The following ETV6 variants were observed in gnomAD, a reference collection of about 807,000 sequenced individuals.
The protein encoded by ETV6 is ETS variant transcription factor 6.
ETV6 carries 16 observed loss-of-function variants against 51.1 expected under a neutral mutation model. The observed-to-expected ratio is 0.31, with a 90% CI of 0.21 to 0.48. The LOEUF (loss-of-function observed/expected upper bound fraction) is 0.48. Ranked by LOEUF, ETV6 falls within the 20% of genes least tolerant of loss-of-function variation. ETV6 has a pLI of 0.99. For synonymous variants in ETV6, 240 were observed against 224.1 expected, an observed-to-expected ratio of 1.07 and a Z score of -0.64; for missense variants, 458 against 594.8, an observed-to-expected ratio of 0.77 and a Z score of 2.39.
Position 11,839,321 on chromosome 12 carries a change from T to C in ETV6, c.328+17T>C. Reference sequence around the variant, plus strand: ...CTCATTCAGGTGAGAGTCTGGACTCTTGGCATATGCCCAACTTGGAAAGTC... The same window carrying C: ...CTCATTCAGGTGAGAGTCTGGACTCCTGGCATATGCCCAACTTGGAAAGTC... On this transcript the variant is annotated intron_variant, in intron 3 of 7. Transcript: ENST00000396373. 1.9e-6 allele frequency: 3 copies of C among 1,601,840 alleles called. No individual in the cohort carries two copies. Among genetic ancestry groups the C allele is most frequent in the Middle Eastern group, 1.7e-4 (1 of 6,008 alleles).
chr12:11,860,598 G>A (rs986279056), intron 4 of ETV6, among the ~76,000 whole-genome samples: 2 of 151,790 alleles, frequency 1.3e-5, no homozygotes, highest in Non-Finnish European at 1.5e-5. Flanking sequence ...AGAAAGAAAT[G>A]AGTTAATACG....
At chr12:11,760,988 T>A (rs1308968955) in intron 2 of ETV6, among the ~76,000 whole-genome samples, 3 of 151,980 alleles carry the variant, frequency 2.0e-5, no homozygotes, top group African/African-American at 7.3e-5. Flanking sequence ...TTATCCTGAA[T>A]AATAACAAAC....
intron 1 of ETV6, among the ~76,000 whole-genome samples, chr12:11,692,428 C>T (rs968137062): frequency 2.6e-5 from 4 of 152,100 alleles, no homozygotes; most frequent in African/African-American, 9.7e-5. Flanking sequence ...CAACAGAAGA[C>T]GGACTACATA....
chr12:11,682,341 G>A (rs373121204), intron 1 of ETV6, among the ~76,000 whole-genome samples: 1 of 152,124 alleles, frequency 6.6e-6, no homozygotes, highest in Non-Finnish European at 1.5e-5. Flanking sequence ...TTTTTCGTAT[G>A]TTTGTTGACC....
At chr12:11,789,815 T>C (rs1945553669) in intron 2 of ETV6, among the ~76,000 whole-genome samples, 1 of 152,228 alleles carries the variant, frequency 6.6e-6, no homozygotes, top group Non-Finnish European at 1.5e-5. Flanking sequence ...ATCTTTTGCA[T>C]AAACCTTTGT....
intron 1 of ETV6, among the ~76,000 whole-genome samples, chr12:11,724,769 C>G (rs146321584): frequency 1.6e-3 from 242 of 152,310 alleles, no homozygotes; most frequent in African/African-American, 5.7e-3. Context: ...AGATATGTCT[C>G]TAGATAAGAG....
At chr12:11,690,854 T>A (rs1864742529) in intron 1 of ETV6, among the ~76,000 whole-genome samples, 1 of 144,982 alleles carries the variant, frequency 6.9e-6, no homozygotes, top group Non-Finnish European at 1.5e-5. Context: ...GCCACTGCAC[T>A]CCAGCCTGGG....
intron 1 of ETV6, among the ~76,000 whole-genome samples, chr12:11,697,496 T>C (rs1864898606): frequency 6.6e-6 from 1 of 152,262 alleles, no homozygotes; most frequent in African/African-American, 2.4e-5. Flanking sequence ...CTGTGGGCCT[T>C]GCAATTTCTC....
chr12:11,869,599 C>T lies in ETV6; in HGVS notation c.639C>T (p.Ser213=). Residue 213 remains serine (S), a synonymous_variant, in exon 5 of 8, where the codon TCC becomes TCT. Transcript: ENST00000396373. The surrounding 1 kb of genome is among the most constrained non-coding windows in gnomAD (Gnocchi z 5.0). ...SPLDNMIRRL[S]PAERAQGPRP... is the part of the protein sequence containing the mutation. Reference sequence around the variant, plus strand: ...TGGACAACATGATCCGCCGCCTCTCCCCGGCTGAGAGAGCTCAGGGACCCA... The same window carrying T: ...TGGACAACATGATCCGCCGCCTCTCTCCGGCTGAGAGAGCTCAGGGACCCA... 6.2e-7 allele frequency: 1 copy of T among 1,614,202 alleles called. No homozygotes were observed.
intron 1 of ETV6, among the ~76,000 whole-genome samples, chr12:11,691,911 T>A (rs529008562): frequency 2.0e-5 from 3 of 152,360 alleles, no homozygotes; most frequent in Admixed American, 6.5e-5. Context: ...ACTGGGAGAA[T>A]GTTTGTGGGA....
intron 2 of ETV6, among the ~76,000 whole-genome samples, chr12:11,755,692 C>T (rs1229946272): frequency 6.6e-6 from 1 of 152,154 alleles, no homozygotes; most frequent in Non-Finnish European, 1.5e-5. Context: ...TGGGTTATTG[C>T]TGTTTTAATC....
intron 2 of ETV6, 90 bp downstream of exon 2, chr12:11,752,669 T>C: frequency 6.8e-7 from 1 of 1,481,406 alleles, no homozygotes; most frequent in Non-Finnish European, 9.0e-7. Flanking sequence ...AGGGGCAAGC[T>C]CTGAGGTGGT....
At chr12:11,810,154 G>T (rs557805117) in intron 2 of ETV6, among the ~76,000 whole-genome samples, 1 of 152,156 alleles carries the variant, frequency 6.6e-6, no homozygotes, top group South Asian at 2.1e-4. Context: ...TCTGTGAGCT[G>T]GTCCTGAGTA....
At chr12:11,705,118 C>T (rs139634546) in intron 1 of ETV6, among the ~76,000 whole-genome samples, 50 of 152,248 alleles carry the variant, frequency 3.3e-4, no homozygotes, top group African/African-American at 1.2e-3. Flanking sequence ...TAATGTACAA[C>T]GCAAAGACTA....
At chr12:11,845,794 CA>C (rs1367550523) in intron 3 of ETV6, among the ~76,000 whole-genome samples, 3 of 152,012 alleles carry the variant, frequency 2.0e-5, no homozygotes, top group Admixed American at 1.3e-4. Flanking sequence ...AGATCAAGAC[CA>C]TCCTGGCTAA....
chr12:11,718,793 G>A (rs951942322), intron 1 of ETV6, among the ~76,000 whole-genome samples: 2 of 152,024 alleles, frequency 1.3e-5, no homozygotes, highest in Non-Finnish European at 2.9e-5. Flanking sequence ...GTCACAGGTC[G>A]CACACTCACG....
chr12:11,693,725 C>T lies in ETV6; in HGVS notation c.33+43565C>T, dbSNP rs183607813. Among the ~76,000 whole-genome samples, 389 of 152,320 alleles carry T rather than the reference C, an allele frequency of 2.6e-3. 3 individuals carry two copies. Among genetic ancestry groups the T allele is most frequent in the Middle Eastern group, 6.8e-3 (2 of 294 alleles). On this transcript the variant is annotated intron_variant, in intron 1 of 7. Coordinates refer to ENST00000396373, the MANE Select transcript of ETV6 (RefSeq NM_001987.5). ...CTGGTGTCCTTCAGTGCTTTCCCTG[C>T]ACTATCTCTGTCCCCAGCTGCTTCC...
chr12:11,829,180 C>A (rs1318892987), intron 2 of ETV6, among the ~76,000 whole-genome samples: 6 of 152,208 alleles, frequency 3.9e-5, no homozygotes, highest in Non-Finnish European at 8.8e-5. Context: ...GCTTCTGCAG[C>A]TCCAGGGAGC....
At chr12:11,889,666 A>G (rs1343199501) in intron 7 of ETV6, among the ~76,000 whole-genome samples, 1 of 152,338 alleles carries the variant, frequency 6.6e-6, no homozygotes, top group East Asian at 1.9e-4. Context: ...CATGATTTAT[A>G]CAAGAGCCAA....
Sources: gnomAD v4.1 joint callset for allele counts (sites outside exome capture counted in the v4.1 genomes callset) on GRCh38, gnomAD v4.1.1 for gene constraint, Gnocchi (gnomAD v3.1) non-coding constraint, MANE v1.5 for transcripts, NCBI Gene and HGNC (gene_info 2026-07-23, HGNC 2026-07-21) for gene names.